Variants in SGCG observed in about 807,000 individuals in gnomAD.
The protein encoded by SGCG is sarcoglycan gamma.
SGCG carries 26 observed loss-of-function variants against 29.3 expected under a neutral mutation model. The ratio of observed to expected loss-of-function variants is 0.89; its 90% CI spans 0.65 to 1.23. The LOEUF (loss-of-function observed/expected upper bound fraction) is 1.23, where lower values mean the gene tolerates loss of function less well. SGCG is among the 50% of genes most tolerant of loss of function. The pLI, the probability that SGCG is intolerant of heterozygous loss-of-function variation, is 0.00. For missense variants in SGCG, 353 were observed against 356.0 expected, an observed-to-expected ratio of 0.99 and a Z score of 0.07; for synonymous variants, 145 against 129.7, an observed-to-expected ratio of 1.12 and a Z score of -0.80.
chr13:23,306,549 G>T (rs1882367655), intron 6 of SGCG, among the ~76,000 whole-genome samples: 1 of 152,112 alleles, frequency 6.6e-6, no homozygotes, highest in African/African-American at 2.4e-5. Flanking sequence ...ACAGCTCATT[G>T]ATAAAAATCA....
At chr13:23,230,094 G>A (rs1228349741) in intron 2 of SGCG, among the ~76,000 whole-genome samples, 1 of 152,142 alleles carries the variant, frequency 6.6e-6, no homozygotes, top group Non-Finnish European at 1.5e-5. Context: ...GATGGCTGCA[G>A]GTGTGTGGCC....
At chr13:23,182,562 G>A (rs905072321) in intron 1 of SGCG, among the ~76,000 whole-genome samples, 1 of 152,040 alleles carries the variant, frequency 6.6e-6, no homozygotes, top group Admixed American at 6.6e-5. Context: ...GTTCTCATGA[G>A]GATTGCAGGA....
chr13:23,252,684 G>C (rs1255522614), intron 4 of SGCG, among the ~76,000 whole-genome samples: 8 of 151,190 alleles, frequency 5.3e-5, no homozygotes, highest in Non-Finnish European at 8.8e-5. Context: ...GAGTGAGACT[G>C]TGTCTCAAAA....
chr13:23,195,823 C>G (rs1352501283), intron 1 of SGCG, among the ~76,000 whole-genome samples: 3 of 151,798 alleles, frequency 2.0e-5, no homozygotes, highest in Non-Finnish European at 4.4e-5. Context: ...TAAAGGAGAA[C>G]TATTCTTGAA....
chr13:23,169,048 T>A, the SGCG span, among the ~76,000 whole-genome samples: 30 of 151,380 alleles, frequency 2.0e-4, no homozygotes, highest in Non-Finnish European at 3.4e-4. Flanking sequence ...AATTTATATA[T>A]ATATAAATAT....
At chr13:23,198,715 G>A (rs794500) in intron 1 of SGCG, among the ~76,000 whole-genome samples, 123,869 of 151,380 alleles carry the variant, frequency 0.82, 50,913 homozygotes, top group East Asian at 0.96. Flanking sequence ...ATGTGGTGGC[G>A]CACACCTGTA....
chr13:23,180,230 G>T (rs1236366825), upstream of SGCG, among the ~76,000 whole-genome samples: 1 of 152,108 alleles, frequency 6.6e-6, no homozygotes, highest in Non-Finnish European at 1.5e-5. Context: ...TCAGAAGTTC[G>T]ATATTTATTC....
intron 4 of SGCG, among the ~76,000 whole-genome samples, chr13:23,256,582 A>G (rs892663867): frequency 1.3e-5 from 2 of 151,920 alleles, no homozygotes; most frequent in Non-Finnish European, 2.9e-5. Context: ...CCTGTGTCCA[A>G]GGGTTCTCAT....
chr13:23,238,896 A>T (rs992254664), intron 3 of SGCG, among the ~76,000 whole-genome samples: 6 of 152,220 alleles, frequency 3.9e-5, no homozygotes, highest in Admixed American at 1.3e-4. Context: ...GAGAAAAATG[A>T]CTAGAAAAAG....
chr13:23,168,729 T>A, the SGCG span, among the ~76,000 whole-genome samples: 1 of 152,212 alleles, frequency 6.6e-6, no homozygotes, highest in African/African-American at 2.4e-5. Flanking sequence ...AGCAAAGGCC[T>A]GCTCACATAC....
intron 2 of SGCG, chr13:23,217,322 CCAA>C (rs1878469200): frequency 6.6e-6 from 1 of 151,998 alleles, no homozygotes; most frequent in Non-Finnish European, 1.5e-5. Context: ...GTTTTAGAAC[CCAA>C]CATTTCCAAT....
intron 2 of SGCG, among the ~76,000 whole-genome samples, chr13:23,210,768 T>A (rs2137511516): frequency 6.6e-6 from 1 of 152,246 alleles, no homozygotes; most frequent in Non-Finnish European, 1.5e-5. Context: ...ATCCCATGAG[T>A]TTGAGATTGA....
chr13:23,310,304 T>C (rs926466648), intron 6 of SGCG, among the ~76,000 whole-genome samples: 4 of 152,052 alleles, frequency 2.6e-5, no homozygotes, highest in Non-Finnish European at 2.9e-5. Context: ...GCCAGGGTGG[T>C]CTCGATCTCC....
chr13:23,307,974 C>T (rs1182625364), intron 6 of SGCG, among the ~76,000 whole-genome samples: 1 of 152,082 alleles, frequency 6.6e-6, no homozygotes, highest in Non-Finnish European at 1.5e-5. Flanking sequence ...ATATGGGTCT[C>T]TATAAATGTC....
At chr13:23,278,310 G>A (rs1881166893) in intron 4 of SGCG, among the ~76,000 whole-genome samples, 1 of 152,092 alleles carries the variant, frequency 6.6e-6, no homozygotes. Flanking sequence ...GAGCGTGGTG[G>A]CGCATGCCTG....
intron 3 of SGCG, among the ~76,000 whole-genome samples, chr13:23,242,025 T>C (rs1167598022): frequency 6.6e-6 from 1 of 152,190 alleles, no homozygotes; most frequent in African/African-American, 2.4e-5. Flanking sequence ...TTGATAAACC[T>C]TGAACCAGAC....
intron 4 of SGCG, among the ~76,000 whole-genome samples, chr13:23,251,450 A>G (rs1217414811): frequency 1.3e-5 from 2 of 152,194 alleles, no homozygotes; most frequent in African/African-American, 4.8e-5. Flanking sequence ...AAGAAGAAAT[A>G]CAGATGAAAG....
At chr13:23,319,950 A>G (rs1008483475) in intron 6 of SGCG, among the ~76,000 whole-genome samples, 5 of 152,224 alleles carry the variant, frequency 3.3e-5, no homozygotes, top group Non-Finnish European at 2.9e-5. Flanking sequence ...TTACAAAACC[A>G]AAAGCCAGCT....
chr13:23,165,389 C>T, the SGCG span, among the ~76,000 whole-genome samples: 5 of 152,028 alleles, frequency 3.3e-5, no homozygotes, highest in Admixed American at 6.6e-5. Flanking sequence ...CTGAGATTTC[C>T]TGGACTAAGT....
Sources: allele counts gnomAD v4.1 joint callset (sites outside exome capture counted in the v4.1 genomes callset), GRCh38; gene constraint gnomAD v4.1.1; transcripts MANE v1.5; gene names NCBI Gene and HGNC (gene_info 2026-07-23, HGNC 2026-07-21).